The following ATOSA variants were observed in gnomAD, a reference collection of about 807,000 sequenced individuals.
ATOSA encodes atos homolog protein A.
chr15:52,633,805 T>C, the ATOSA span, among the ~76,000 whole-genome samples: 30 of 152,024 alleles, frequency 2.0e-4, no homozygotes, highest in Non-Finnish European at 5.9e-5. Flanking sequence ...AATCACAAAA[T>C]CATATAGGTA....
chr15:52,641,608 G>A, the ATOSA span, among the ~76,000 whole-genome samples: 1 of 152,244 alleles, frequency 6.6e-6, no homozygotes, highest in Non-Finnish European at 1.5e-5. Flanking sequence ...GCCAGTTGAA[G>A]GAGGCAGGCA....
At chr15:52,651,063 ATATAT>A in the ATOSA span, among the ~76,000 whole-genome samples, 18 of 152,332 alleles carry the variant, frequency 1.2e-4, no homozygotes, top group Middle Eastern at 3.4e-3. Context: ...CAATTATCAC[ATATAT>A]TATATTAGTA....
chr15:52,655,001 ATC>A, the ATOSA span, among the ~76,000 whole-genome samples: 2 of 152,046 alleles, frequency 1.3e-5, no homozygotes, highest in African/African-American at 2.4e-5. Flanking sequence ...CATGATGCTA[ATC>A]TCTTTACGTA....
the ATOSA span, chr15:52,651,824 T>C: frequency 4.5e-5 from 68 of 1,524,974 alleles, no homozygotes; most frequent in Non-Finnish European, 4.9e-5. Context: ...CTACAGAAAA[T>C]TGGAAGCTTA....
At chr15:52,658,826 A>AAAAAAAAAAAAAG in the ATOSA span, 1 of 327,274 alleles carries the variant, frequency 3.1e-6, no homozygotes, top group Non-Finnish European at 5.5e-6. Context: ...AAAAAAAAAA[A>AAAAAAAAAAAAAG]AAGTTAAAAA....
the ATOSA span, among the ~76,000 whole-genome samples, chr15:52,659,227 G>A: frequency 3.9e-5 from 6 of 152,158 alleles, no homozygotes; most frequent in Non-Finnish European, 7.3e-5. Context: ...GTTAGTTCTT[G>A]CTCATCACAG....
At chr15:52,589,749 T>C in the ATOSA span, among the ~76,000 whole-genome samples, 2 of 152,178 alleles carry the variant, frequency 1.3e-5, no homozygotes, top group African/African-American at 4.8e-5. Context: ...CTAGAAAAAG[T>C]TACCATATTT....
At chr15:52,640,571 CAAAAAAAAAAAAA>C in the ATOSA span, among the ~76,000 whole-genome samples, 1 of 27,564 alleles carries the variant, frequency 3.6e-5, no homozygotes, top group Non-Finnish European at 5.3e-5. Flanking sequence ...ACTCAAGTCT[CAAAAAAAAAAAAA>C]AAAAAAAAAA....
chr15:52,657,342 A>G, the ATOSA span: 1 of 152,180 alleles, frequency 6.6e-6, no homozygotes, highest in Non-Finnish European at 1.5e-5. Flanking sequence ...GTGTAGGTGT[A>G]AGGAGACTCA....
the ATOSA span, among the ~76,000 whole-genome samples, chr15:52,619,859 AAAAT>A: frequency 2.3e-4 from 35 of 152,068 alleles, no homozygotes; most frequent in Admixed American, 1.0e-3. Flanking sequence ...AAAGAAAAGA[AAAAT>A]AAATTATTTG....
chr15:52,658,936 G>A, the ATOSA span: 11 of 395,936 alleles, frequency 2.8e-5, no homozygotes, highest in Non-Finnish European at 4.4e-5. Flanking sequence ...AGTGAGCCAC[G>A]ATTAAGCCAC....
At chr15:52,599,725 A>C in the ATOSA span, among the ~76,000 whole-genome samples, 1 of 152,194 alleles carries the variant, frequency 6.6e-6, no homozygotes, top group Non-Finnish European at 1.5e-5. Flanking sequence ...AAAAAGTTGC[A>C]AATAAAGTAC....
At chr15:52,584,599 C>T in the ATOSA span, 173 of 654,044 alleles carry the variant, frequency 2.6e-4, no homozygotes, top group Middle Eastern at 4.2e-4. Flanking sequence ...CATGTACTTT[C>T]GGCATCTTGG....
chr15:52,631,845 C>A, the ATOSA span, among the ~76,000 whole-genome samples: 1 of 152,188 alleles, frequency 6.6e-6, no homozygotes, highest in Non-Finnish European at 1.5e-5. Flanking sequence ...TCAAGTGATC[C>A]TTCTACCTCA....
chr15:52,694,961 G>T, the ATOSA span, among the ~76,000 whole-genome samples: 6 of 134,570 alleles, frequency 4.5e-5, no homozygotes, highest in Middle Eastern at 3.9e-3. Flanking sequence ...GTCTTATCCT[G>T]TTGCCCAGGC....
the ATOSA span, among the ~76,000 whole-genome samples, chr15:52,669,791 TTTC>T: frequency 2.0e-5 from 3 of 152,094 alleles, no homozygotes; most frequent in Non-Finnish European, 4.4e-5. Context: ...CTACCAAAGG[TTTC>T]TTAACCTATA....
At chr15:52,625,025 C>T in the ATOSA span, among the ~76,000 whole-genome samples, 1 of 151,988 alleles carries the variant, frequency 6.6e-6, no homozygotes, top group Non-Finnish European at 1.5e-5. Context: ...GTGATCCACC[C>T]GTCTTGGCCT....
chr15:52,611,552 T>C, the ATOSA span: 144,799 of 1,609,250 alleles, frequency 0.09, 7,269 homozygotes, highest in Middle Eastern at 0.15. Context: ...AAGAACAACT[T>C]TGAACTACGT....
At chr15:52,666,216 G>A in the ATOSA span, among the ~76,000 whole-genome samples, 1 of 152,152 alleles carries the variant, frequency 6.6e-6, no homozygotes, top group South Asian at 2.1e-4. Context: ...TTTGAAGGAT[G>A]TTAATGTCTT....
Sources: allele counts gnomAD v4.1 joint callset (sites outside exome capture counted in the v4.1 genomes callset), GRCh38; gene constraint gnomAD v4.1.1; transcripts MANE v1.5; gene names NCBI Gene and HGNC (gene_info 2026-07-23, HGNC 2026-07-21).